The following MRPS18C variants were observed in gnomAD, a reference collection of about 807,000 sequenced individuals.
MRPS18C encodes the protein mitochondrial ribosomal protein S18C.
A neutral mutation model predicts 21.0 loss-of-function variants in MRPS18C; 21 were observed. That is an observed-to-expected ratio of 1.00 (90% CI 0.71 to 1.44). The LOEUF (loss-of-function observed/expected upper bound fraction) is 1.44, where lower values mean the gene tolerates loss of function less well. Among genes scored for constraint, MRPS18C ranks in the 40% most tolerant of loss-of-function variants. MRPS18C has a pLI of 0.00. For missense variants in MRPS18C, 152 were observed against 171.5 expected (o/e 0.89, Z 0.64); for synonymous variants, 65 against 54.3 (o/e 1.20, Z -0.87).
chr4:83,457,057 T>A, intron 2 of MRPS18C, 99 bp downstream of exon 2: 4 of 973,174 alleles, frequency 4.1e-6, no homozygotes, highest in Non-Finnish European at 6.3e-6. Context: ...ACATCTTTTA[T>A]TTTAGCTACT....
chr4:83,459,255 T>A (rs1436014184), intron 3 of MRPS18C: 1 of 152,878 alleles, frequency 6.5e-6, no homozygotes, highest in African/African-American at 2.4e-5. Flanking sequence ...CTAGGAAGAT[T>A]ATGCAAAGTG....
At chr4:83,459,332 A>G (rs1721988385) in intron 3 of MRPS18C, among the ~76,000 whole-genome samples, 1 of 152,134 alleles carries the variant, frequency 6.6e-6, no homozygotes, top group Non-Finnish European at 1.5e-5. Context: ...AAATTATAGC[A>G]AATGCCTGGT....
intron 5 of MRPS18C, 36 bp from the exon 6 acceptor site, chr4:83,461,085 T>A (rs1253521207): frequency 1.9e-6 from 3 of 1,612,920 alleles, no homozygotes; most frequent in Non-Finnish European, 2.5e-6. Context: ...TTTTGCTCAT[T>A]ATGTTTTGTC....
chr4:83,459,674 A>G, intron 3 of MRPS18C, 66 bp from the exon 4 acceptor site: 1 of 1,446,964 alleles, frequency 6.9e-7, no homozygotes. Context: ...TGTTTTTTGA[A>G]ATTTACACAT....
At chr4:83,458,248 A>G (rs184311564) in intron 2 of MRPS18C, 98 bp from the exon 3 acceptor site, 26 of 838,884 alleles carry the variant, frequency 3.1e-5, no homozygotes, top group African/African-American at 2.9e-4. Flanking sequence ...TAAGAAAGGT[A>G]TAACTAATCC....
rs1722144220 is a variant in MRPS18C, at chr4:83,462,209, A to G, written c.*1012A>G. The G allele has an allele frequency of 2.6e-6, 1 of 380,680 alleles. No homozygotes were observed. The highest frequency in any genetic ancestry group is 4.7e-6 in the Non-Finnish European group (1 of 213,358). 23.6% of individuals were successfully genotyped at this position (380,680 alleles called of 1,614,324 possible). A position where few individuals can be genotyped will look rare whatever the true frequency, so the allele number is the denominator to read the frequency against. The stretch of plus-strand genomic sequence containing the variant: ...TGCCTGGTCTCACTTTTCCAATTCT[A>G]AAGAATGTGTCTGTGTAAGCCTTCC... On this transcript the variant is annotated 3_prime_UTR_variant, in exon 6 of 6. Transcript: ENST00000295491.
Position 83,458,420 on chromosome 4 carries a change from G to C in MRPS18C, c.225G>C (p.Lys75Asn). The C allele has an allele frequency of 6.3e-7, 1 of 1,586,472 alleles. No homozygotes were observed. Among genetic ancestry groups the C allele is most frequent in the South Asian group, 1.1e-5 (1 of 89,556 alleles). Reference sequence around the variant, plus strand: ...TGTGTGGAAAGCATGTAGATTATAAGAATGTACAGGTGAGATCTGGTTTTA... The same window carrying C: ...TGTGTGGAAAGCATGTAGATTATAACAATGTACAGGTGAGATCTGGTTTTA... ...CILCGKHVDY[K>N]NVQLLSQFVS... The change falls in exon 3 of 6, where the codon AAG becomes AAC. Residue 75 changes from lysine (K) to asparagine (N), a missense_variant. Coordinates refer to ENST00000295491, the MANE Select transcript of MRPS18C (RefSeq NM_016067.4).
At chr4:83,460,837 C>A in intron 4 of MRPS18C, 136 bp from the exon 5 acceptor site, 1 of 684,294 alleles carries the variant, frequency 1.5e-6, no homozygotes. Context: ...GCCTGGGTGG[C>A]GGAGGTTGCA....
At position 83,461,140 on chromosome 4, in the gene MRPS18C, C is replaced by T. The variant is rs757293257; in HGVS notation, c.372C>T (p.Tyr124=). 6 of 1,613,500 alleles carry T rather than the reference C, an allele frequency of 3.7e-6. No homozygotes were observed. Among genetic ancestry groups the T allele is most frequent in the Non-Finnish European group, 5.1e-6 (6 of 1,179,808 alleles). Residue 124 remains tyrosine, a synonymous_variant, in exon 6 of 6, where the codon TAC becomes TAT. Coordinates refer to ENST00000295491, the MANE Select transcript of MRPS18C (RefSeq NM_016067.4). ...AQIMGFMPVT[Y]KDPAYLKDPK... Reference sequence around the variant, plus strand: ...TTACAGGGTTTATGCCAGTTACATACAAGGATCCTGCATATCTCAAGGACC... The same window carrying T: ...TTACAGGGTTTATGCCAGTTACATATAAGGATCCTGCATATCTCAAGGACC...
At chr4:83,460,749 C>CA (rs1722063972) in intron 4 of MRPS18C, 1 of 460,834 alleles carries the variant, frequency 2.2e-6, no homozygotes, top group Non-Finnish European at 3.9e-6. Context: ...ACTACAAATA[C>CA]AAAAAAATTA....
chr4:83,460,145 C>A, intron 4 of MRPS18C: 1 of 161,206 alleles, frequency 6.2e-6, no homozygotes, highest in Non-Finnish European at 1.3e-5. Context: ...TGATTAGGTT[C>A]ATCATATACA....
Position 83,456,102 on chromosome 4 carries a change from G to T in MRPS18C, c.25G>T (p.Gly9Cys). MAAVVAVC[G>C]GLGRKKLTHL... ...CATGGCCGCTGTGGTTGCTGTTTGCGGTGGTCTAGGGAGGAAGAAGTTGAC... is the reference window on the plus strand; with the variant it reads ...CATGGCCGCTGTGGTTGCTGTTTGCTGTGGTCTAGGGAGGAAGAAGTTGAC... Residue 9 changes from glycine to cysteine, a missense_variant, in exon 1 of 6, where the codon GGT becomes TGT. This residue lies in a region of MRPS18C where 118 missense variants were observed against 104.4 expected (regional missense o/e 1.13). Transcript: ENST00000295491. 6.2e-7 allele frequency: 1 copy of T among 1,612,836 alleles called. No individual in the cohort carries two copies. Among genetic ancestry groups the T allele is most frequent in the Non-Finnish European group, 8.5e-7 (1 of 1,180,026 alleles).
At chr4:83,459,665 G>GT (rs1244928397) in intron 3 of MRPS18C, 75 bp from the exon 4 acceptor site, 17 of 1,357,448 alleles carry the variant, frequency 1.3e-5, no homozygotes, top group Non-Finnish European at 1.6e-5. Flanking sequence ...CCTGAAGGTT[G>GT]TTTTTTGAAA....
intron 4 of MRPS18C, 154 bp downstream of exon 4, chr4:83,459,951 T>G: frequency 8.6e-6 from 5 of 578,640 alleles, no homozygotes; most frequent in Non-Finnish European, 1.5e-5. Flanking sequence ...TGAAAAAGTC[T>G]CTTAGGCCAA....
rs1722126223 is a variant in MRPS18C at position 83,461,740 on chromosome 4, C to T, written c.*543C>T. The T allele has an allele frequency of 8.7e-6, 2 of 230,556 alleles. No individual in the cohort carries two copies. Among genetic ancestry groups the T allele is most frequent in the African/African-American group, 2.2e-5 (1 of 45,004 alleles). The allele number at this position is 230,556 out of a possible 1,614,324, so 14.3% of individuals were successfully genotyped here. A position where few individuals can be genotyped will look rare whatever the true frequency, so the allele number is the denominator to read the frequency against. ...GCCTATCCCAAATACACTGGATTACCAGGCTTGTACTGTATTCAAAATGAT... is the reference window on the plus strand; with the variant it reads ...GCCTATCCCAAATACACTGGATTACTAGGCTTGTACTGTATTCAAAATGAT... On this transcript the variant is annotated 3_prime_UTR_variant, in exon 6 of 6. Coordinates refer to ENST00000295491, the MANE Select transcript of MRPS18C (RefSeq NM_016067.4).
intron 3 of MRPS18C, chr4:83,458,712 A>G (rs563816420): frequency 7.3e-6 from 2 of 273,650 alleles, no homozygotes; most frequent in East Asian, 2.0e-4. Flanking sequence ...GGTGAGGGTC[A>G]GAACTTTGGA....
At position 83,456,061 on chromosome 4, in the gene MRPS18C, G is replaced by A; in HGVS notation, c.-17G>A. 1 of 1,611,248 alleles carries A rather than the reference G, an allele frequency of 6.2e-7. No homozygotes were observed. Among genetic ancestry groups the A allele is most frequent in the Non-Finnish European group, 8.5e-7 (1 of 1,179,062 alleles). On this transcript the variant is annotated 5_prime_UTR_variant, in exon 1 of 6. Transcript: ENST00000295491. ...GGAACGATTTGGAACGAAAGGAAGT[G>A]GAAGAAACGCGGAACCATGGCCGCT...
chr4:83,461,047 C>T lies in MRPS18C; in HGVS notation c.352+15C>T. On this transcript the variant is annotated intron_variant, in intron 5 of 5. Transcript: ENST00000295491. ...TCAAATAATGGGTAAGAAAGAATAC[C>T]TCAACAACTGAATTGAGCTAGCTGA... is the stretch of plus-strand genomic sequence containing the variant. 6.2e-7 allele frequency: 1 copy of T among 1,612,286 alleles called. No homozygotes were observed.
rs750795446 is a variant in MRPS18C at position 83,458,423 on chromosome 4, T to C, written c.228T>C (p.Asn76=). 1.9e-6 allele frequency: 3 copies of C among 1,584,524 alleles called. No homozygotes were observed. Among genetic ancestry groups the C allele is most frequent in the Non-Finnish European group, 2.6e-6 (3 of 1,156,616 alleles). Residue 76 remains asparagine (N), a synonymous_variant, in exon 3 of 6, where the codon AAT becomes AAC. Coordinates refer to ENST00000295491, the MANE Select transcript of MRPS18C (RefSeq NM_016067.4). ...ILCGKHVDYK[N]VQLLSQFVSP... ...GTGGAAAGCATGTAGATTATAAGAATGTACAGGTGAGATCTGGTTTTACTT... is the reference window on the plus strand; with the variant it reads ...GTGGAAAGCATGTAGATTATAAGAACGTACAGGTGAGATCTGGTTTTACTT...
Sources: gnomAD v4.1 joint callset for allele counts (sites outside exome capture counted in the v4.1 genomes callset) on GRCh38, gnomAD v4.1.1 for gene constraint, gnomAD v4.1.1 regional missense constraint, MANE v1.5 for transcripts, NCBI Gene and HGNC (gene_info 2026-07-23, HGNC 2026-07-21) for gene names.